The following SGCZ variants were observed in gnomAD, a reference collection of about 807,000 sequenced individuals.
SGCZ encodes sarcoglycan zeta, also known as zeta-sarcoglycan.
In SGCZ, 40 loss-of-function variants were observed where a neutral mutation model predicts 41.3. The ratio of observed to expected loss-of-function variants is 0.97; its 90% confidence interval spans 0.75 to 1.26. The LOEUF is 1.26. SGCZ is among the 50% of genes most tolerant of loss of function. The pLI is 0.00. For missense variants in SGCZ, 552 were observed against 369.8 expected (o/e 1.49, Z -4.04); for synonymous variants, 206 against 137.5 (o/e 1.50, Z -3.49).
chr8:14,284,711 C>G (rs935648618), intron 3 of SGCZ, among the ~76,000 whole-genome samples: 2 of 152,070 alleles, frequency 1.3e-5, no homozygotes, highest in African/African-American at 4.8e-5. Flanking sequence ...GTTACTCAAA[C>G]CAATCAATGT....
intron 1 of SGCZ, among the ~76,000 whole-genome samples, chr8:14,887,758 TATGAAA>T (rs1804865538): frequency 6.6e-6 from 1 of 152,168 alleles, no homozygotes; most frequent in South Asian, 2.1e-4. Flanking sequence ...ACTAGAAATG[TATGAAA>T]TCCCTTAAGA....
At chr8:14,746,211 T>A (rs576370152) in intron 1 of SGCZ, among the ~76,000 whole-genome samples, 1 of 152,252 alleles carries the variant, frequency 6.6e-6, no homozygotes, top group South Asian at 2.1e-4. Flanking sequence ...AAATGGGAAC[T>A]GAATGTCAGT....
chr8:14,357,002 C>T (rs887695799), intron 2 of SGCZ, among the ~76,000 whole-genome samples: 1 of 151,524 alleles, frequency 6.6e-6, no homozygotes, highest in Non-Finnish European at 1.5e-5. Context: ...TATGGGCCAA[C>T]AAAGTGATAA....
In SGCZ at chr8:14,669,357, CTAAGTAAG is replaced by C. The variant is rs75686503; in HGVS notation, c.40-114439_40-114432del. 3.3e-4 allele frequency among the ~76,000 whole-genome samples: 49 copies of C among 146,596 alleles called. 1 individual carries two copies. The South Asian group carries it at 8.2e-3, about 25-fold the overall frequency. On this transcript the variant is annotated intron_variant, in intron 1 of 7. Transcript: ENST00000382080. ...TGGACAACAGAGCAAGACCCTGTCT[CTAAGTAAG>C]TAAGTAAGTAAGTAAGTAAGTAAAT...
chr8:14,238,367 C>T (rs955010731), intron 3 of SGCZ, among the ~76,000 whole-genome samples: 1 of 152,104 alleles, frequency 6.6e-6, no homozygotes, highest in African/African-American at 2.4e-5. Flanking sequence ...AAAAAATCTT[C>T]AGAGTAAAAT....
intron 5 of SGCZ, among the ~76,000 whole-genome samples, chr8:14,148,865 T>C (rs1803607946): frequency 6.6e-6 from 1 of 152,154 alleles, no homozygotes. Context: ...ACCTCTGGGA[T>C]GCAAGGATAG....
At chr8:14,138,102 A>G (rs1449664544) in intron 5 of SGCZ, among the ~76,000 whole-genome samples, 1 of 152,202 alleles carries the variant, frequency 6.6e-6, no homozygotes, top group Non-Finnish European at 1.5e-5. Flanking sequence ...TGAAGGAGAA[A>G]TGAAATCCTT....
chr8:15,075,225 C>CAA (rs11317842), intron 1 of SGCZ, among the ~76,000 whole-genome samples: 11 of 149,610 alleles, frequency 7.4e-5, no homozygotes, highest in African/African-American at 2.0e-4. Context: ...AGTAGTCAGA[C>CAA]AAAAAAAAAA....
At chr8:14,112,225 C>T (rs553343093) in intron 5 of SGCZ, among the ~76,000 whole-genome samples, 1 of 147,958 alleles carries the variant, frequency 6.8e-6, no homozygotes, top group Non-Finnish European at 1.5e-5. Flanking sequence ...CTTTTGCTGG[C>T]CTTTATTTTT....
chr8:15,192,123 A>G (rs1465998565), intron 1 of SGCZ, among the ~76,000 whole-genome samples: 1 of 152,090 alleles, frequency 6.6e-6, no homozygotes, highest in Non-Finnish European at 1.5e-5. Flanking sequence ...AGTAATGGGA[A>G]TATTCTTACA....
At chr8:14,153,548 A>G (rs974542184) in intron 5 of SGCZ, among the ~76,000 whole-genome samples, 1 of 152,114 alleles carries the variant, frequency 6.6e-6, no homozygotes, top group African/African-American at 2.4e-5. Flanking sequence ...AGAGAAATAA[A>G]ATGGACCCAA....
chr8:14,339,594 A>G (rs931476071), intron 2 of SGCZ, among the ~76,000 whole-genome samples: 5 of 152,146 alleles, frequency 3.3e-5, no homozygotes, highest in African/African-American at 1.2e-4. Flanking sequence ...TGCATGGTTT[A>G]TTTGTGTGCA....
chr8:14,488,075 A>G (rs1481702659), intron 2 of SGCZ, among the ~76,000 whole-genome samples: 1 of 152,272 alleles, frequency 6.6e-6, no homozygotes, highest in African/African-American at 2.4e-5. Flanking sequence ...TGCAGCTCAG[A>G]CTTTTGGTGG....
At chr8:14,195,690 A>G (rs1295344548) in intron 4 of SGCZ, among the ~76,000 whole-genome samples, 2 of 152,168 alleles carry the variant, frequency 1.3e-5, no homozygotes, top group Non-Finnish European at 2.9e-5. Context: ...AGTAACAAAG[A>G]TAAGGAAGGC....
chr8:14,398,057 A>G (rs1316725423), intron 2 of SGCZ, among the ~76,000 whole-genome samples: 2 of 152,036 alleles, frequency 1.3e-5, no homozygotes, highest in African/African-American at 2.4e-5. Flanking sequence ...GTGACCCTCA[A>G]TTGACATCAA....
chr8:14,241,739 G>T (rs1189708878), intron 3 of SGCZ, among the ~76,000 whole-genome samples: 2 of 151,984 alleles, frequency 1.3e-5, no homozygotes, highest in Non-Finnish European at 2.9e-5. Flanking sequence ...AGTTAGAAAG[G>T]CAACGAGACT....
At chr8:14,982,152 T>G (rs1284567596) in intron 1 of SGCZ, among the ~76,000 whole-genome samples, 1 of 70,866 alleles carries the variant, frequency 1.4e-5, no homozygotes, top group Non-Finnish European at 2.7e-5. Flanking sequence ...AGCGAGACTC[T>G]GTCTCAAAAA....
chr8:14,471,819 C>T (rs758750580), intron 2 of SGCZ, among the ~76,000 whole-genome samples: 4 of 152,030 alleles, frequency 2.6e-5, no homozygotes, highest in Middle Eastern at 3.4e-3. Context: ...GCTATTATGA[C>T]GATTCTAAAT....
At chr8:14,278,746 A>G (rs1463717235) in intron 3 of SGCZ, among the ~76,000 whole-genome samples, 1 of 152,120 alleles carries the variant, frequency 6.6e-6, no homozygotes, top group East Asian at 1.9e-4. Context: ...TTAGGTTAAT[A>G]ATGGTAGCAG....
Sources: allele counts gnomAD v4.1 joint callset (sites outside exome capture counted in the v4.1 genomes callset), GRCh38; gene constraint gnomAD v4.1.1; transcripts MANE v1.5; gene names NCBI Gene and HGNC (gene_info 2026-07-23, HGNC 2026-07-21).